Variants in NLRP3 observed in about 807,000 individuals in gnomAD.
The protein encoded by NLRP3 is NLR family pyrin domain containing 3.
Under a neutral mutation model 91.3 loss-of-function variants are expected in NLRP3, and 48 were observed. That is an observed-to-expected ratio of 0.53 (90% confidence interval 0.42 to 0.67). The LOEUF is 0.67. Among genes scored for constraint, NLRP3 ranks in the 30% least tolerant of loss-of-function variants. NLRP3 has a pLI of 0.00. For synonymous variants in NLRP3, 561 were observed against 507.9 expected, an observed-to-expected ratio of 1.10 and a Z score of -1.41; for missense variants, 982 against 1,276.9, an observed-to-expected ratio of 0.77 and a Z score of 3.52.
chr1:247,436,267 G>T, intron 7 of NLRP3, 127 bp downstream of exon 7: 1 of 841,078 alleles, frequency 1.2e-6, no homozygotes, highest in Non-Finnish European at 2.0e-6. Context: ...AAAAACATCA[G>T]AAATGCTTTG....
In NLRP3 at chr1:247,444,906, C is replaced by T. The variant is rs1041662029; in HGVS notation, c.3005+85C>T. On this transcript the variant is annotated intron_variant, in intron 9 of 9. Transcript: ENST00000336119. ...TGTTATCAAAATCCAGGATGGCTCTCGCTTCATTTGCAGCCACTCAAGATT... is the reference window on the plus strand; with the variant it reads ...TGTTATCAAAATCCAGGATGGCTCTTGCTTCATTTGCAGCCACTCAAGATT... 4.3e-5 allele frequency: 62 copies of T among 1,427,166 alleles called. 1 individual carries two copies. Among genetic ancestry groups the T allele is most frequent in the Middle Eastern group, 2.4e-4 (1 of 4,174 alleles). The allele number at this position is 1,427,166 out of a possible 1,614,324, so 88.4% of individuals were successfully genotyped here.
At chr1:247,446,132 C>G (rs1307881858) in intron 9 of NLRP3, among the ~76,000 whole-genome samples, 1 of 152,120 alleles carries the variant, frequency 6.6e-6, no homozygotes, top group African/African-American at 2.4e-5. Context: ...GTCTCTTTTT[C>G]CTTATAATCA....
At chr1:247,423,209 C>A in intron 2 of NLRP3, 21 bp from the exon 3 acceptor site, 1 of 1,613,884 alleles carries the variant, frequency 6.2e-7, no homozygotes, top group East Asian at 2.2e-5. Context: ...TGGGTTTTGA[C>A]ACCTTTTTTT....
chr1:247,435,579 A>G (rs191065497), intron 6 of NLRP3, among the ~76,000 whole-genome samples: 27 of 152,296 alleles, frequency 1.8e-4, no homozygotes, highest in Admixed American at 1.7e-3. Flanking sequence ...GTGGGAAGAC[A>G]TTGTTTAATG....
At chr1:247,417,921 CACTT>C (rs1367795940) in intron 1 of NLRP3, 128 bp from the exon 2 acceptor site, 10 of 152,412 alleles carry the variant, frequency 6.6e-5, no homozygotes, top group African/African-American at 2.4e-4. Flanking sequence ...GTTATCAACA[CACTT>C]ACTCACCTCC....
intron 9 of NLRP3, among the ~76,000 whole-genome samples, chr1:247,447,832 T>C (rs971887438): frequency 2.0e-5 from 3 of 152,106 alleles, no homozygotes; most frequent in Non-Finnish European, 2.9e-5. Context: ...AAATAATCCA[T>C]GGGTGGGAGG....
Position 247,420,768 on chromosome 1 carries a change from C to A in NLRP3, c.277+1691C>A, listed in dbSNP as rs147913705. On this transcript the variant is annotated intron_variant, in intron 2 of 9. Transcript: ENST00000336119. ...GTCTTGGTTTTTTCTCTTTTCCCCT[C>A]TCACGGTAGTGCTATGAGAAGGTGG... Among the ~76,000 whole-genome samples, 272 of 152,052 alleles carry A rather than the reference C, an allele frequency of 1.8e-3. 3 individuals carry two copies. The highest frequency in any genetic ancestry group is 6.1e-3 in the African/African-American group (254 of 41,454).
chr1:247,440,165 T>A (rs1664109140), intron 7 of NLRP3, among the ~76,000 whole-genome samples: 1 of 151,776 alleles, frequency 6.6e-6, no homozygotes, highest in South Asian at 2.1e-4. Flanking sequence ...TCTCTCGAAC[T>A]TTGGGTCCTC....
chr1:247,419,170 T>A lies in NLRP3; in HGVS notation c.277+93T>A. On this transcript the variant is annotated intron_variant, in intron 2 of 9. Transcript: ENST00000336119. ...TATATATATATATATATATATTTTT[T>A]TTTGAGACGGAGTTGCTCTTGTTGC... 4 of 932,280 alleles carry A rather than the reference T, an allele frequency of 4.3e-6. 1 individual carries two copies. The African/African-American group carries it at 7.4e-5, about 17-fold the overall frequency. The allele number at this position is 932,280 out of a possible 1,614,324, so 57.8% of individuals were successfully genotyped here.
At chr1:247,441,592 A>G (rs1238113635) in intron 7 of NLRP3, among the ~76,000 whole-genome samples, 4 of 152,136 alleles carry the variant, frequency 2.6e-5, no homozygotes, top group Non-Finnish European at 5.9e-5. Flanking sequence ...TCCCCAACCA[A>G]TTAACTTAAT....
At chr1:247,446,053 C>T (rs1318593145) in intron 9 of NLRP3, among the ~76,000 whole-genome samples, 1 of 152,204 alleles carries the variant, frequency 6.6e-6, no homozygotes, top group Non-Finnish European at 1.5e-5. Flanking sequence ...CCTGATTCTT[C>T]CCCATTTCAG....
intron 5 of NLRP3, among the ~76,000 whole-genome samples, chr1:247,430,389 C>T (rs1051435685): frequency 1.3e-5 from 2 of 152,048 alleles, no homozygotes; most frequent in Admixed American, 6.6e-5. Flanking sequence ...CTAGTCTCCT[C>T]TTCTTACAGG....
Position 247,418,390 on chromosome 1 carries a change from T to C in NLRP3, c.-411T>C, listed in dbSNP as rs7523422. On this transcript the variant is annotated 5_prime_UTR_variant, in exon 2 of 10. Transcript: ENST00000336119. ...GATCTTGGCTCACTGCAGCCTCCACTTCCCGGGTTCAATCAATTCTCCTAC... is the reference window on the plus strand; with the variant it reads ...GATCTTGGCTCACTGCAGCCTCCACCTCCCGGGTTCAATCAATTCTCCTAC... 295,890 of 296,246 alleles carry C rather than the reference T, an allele frequency of 1. 147,772 individuals carry two copies. Among genetic ancestry groups the C allele is most frequent in the Middle Eastern group, 1 (790 of 790 alleles). The allele number at this position is 296,246 out of a possible 1,614,324, so 18.4% of individuals were successfully genotyped here.
chr1:247,431,450 C>G (rs541487803), intron 5 of NLRP3, among the ~76,000 whole-genome samples: 2 of 152,282 alleles, frequency 1.3e-5, no homozygotes, highest in East Asian at 1.9e-4. Context: ...TTCCTCCTAC[C>G]CGAGCTGTTT....
In NLRP3 at chr1:247,444,079, A is replaced by C; in HGVS notation, c.2771A>C (p.Asp924Ala). Residue 924 changes from aspartate to alanine, a missense_variant, in exon 8 of 10, where the codon GAC becomes GCC. Asp to Ala is a moderately radical substitution (Grantham distance 126). Transcript: ENST00000336119. ...TACCTGCGAGGCAACACTCTCGGAG[A>C]CAAGGGGATCAAACTACTCTGTGAG... The part of the protein sequence containing the change: ...HLYLRGNTLG[D>A]KGIKLLCEGL... 1.2e-6 allele frequency: 2 copies of C among 1,614,184 alleles called. No homozygotes were observed. The highest frequency in any genetic ancestry group is 1.7e-6 in the Non-Finnish European group (2 of 1,180,032).
chr1:247,425,557 A>G lies in NLRP3; in HGVS notation c.2108A>G (p.Gln703Arg). ...GAAGGCCGACACCTTGATATGGTGC[A>G]GTGTGTCCTCCCAAGCTCCTCTCAT... Reference protein sequence around the residue: ...EKEGRHLDMVQCVLPSSSHAA... With the variant: ...EKEGRHLDMVRCVLPSSSHAA... Residue 703 changes from glutamine (Q) to arginine (R), a missense_variant, in exon 4 of 10, where the codon CAG (glutamine) becomes CGG (arginine). Coordinates refer to ENST00000336119, the MANE Select transcript of NLRP3 (RefSeq NM_001243133.2). The surrounding 1 kb of genome is among the most constrained non-coding windows in gnomAD (Gnocchi z 4.1). The G allele has an allele frequency of 1.2e-6, 2 of 1,611,518 alleles. No individual in the cohort carries two copies. The highest frequency in any genetic ancestry group is 2.2e-5 in the East Asian group (1 of 44,878).
intron 7 of NLRP3, among the ~76,000 whole-genome samples, chr1:247,437,712 T>G (rs992281037): frequency 6.6e-6 from 1 of 152,180 alleles, no homozygotes; most frequent in Non-Finnish European, 1.5e-5. Flanking sequence ...TTTAGGGAAG[T>G]GATAACAGAT....
chr1:247,443,019 A>C (rs1019422850), intron 7 of NLRP3, among the ~76,000 whole-genome samples: 2 of 152,120 alleles, frequency 1.3e-5, no homozygotes, highest in African/African-American at 2.4e-5. Context: ...TCTGCCTCCC[A>C]GGTTCAAGCA....
chr1:247,443,531 T>C (rs1286406466), intron 7 of NLRP3, among the ~76,000 whole-genome samples: 2 of 148,418 alleles, frequency 1.3e-5, no homozygotes, highest in Admixed American at 6.7e-5. Context: ...CGACTTCCCA[T>C]GAGGAGGATT....
Sources: allele counts gnomAD v4.1 joint callset (sites outside exome capture counted in the v4.1 genomes callset), GRCh38; gene constraint gnomAD v4.1.1; non-coding constraint Gnocchi (gnomAD v3.1); transcripts MANE v1.5; gene names NCBI Gene and HGNC (gene_info 2026-07-23, HGNC 2026-07-21).